EP300: variants seen among roughly 807,000 people sequenced by gnomAD.
The protein encoded by EP300 is histone acetyltransferase p300.
Under a neutral mutation model 264.0 loss-of-function variants are expected in EP300, and 31 were observed. The observed-to-expected ratio is 0.12, with a 90% CI of 0.09 to 0.16. EP300 has a LOEUF of 0.16. Ranked by LOEUF, EP300 falls within the 10% of genes least tolerant of loss-of-function variation. The probability of loss-of-function intolerance (pLI) is 1.00; values close to 1 mark genes in which losing one functional copy is unlikely to be tolerated. For synonymous variants in EP300, 1,340 were observed against 1,045.4 expected (o/e 1.28, Z -5.44); for missense variants, 2,766 against 3,052.9 (o/e 0.91, Z 2.21).
intron 16 of EP300, among the ~76,000 whole-genome samples, chr22:41,154,376 C>CTT (rs869304891): frequency 0.013 from 818 of 61,706 alleles, 56 homozygotes; most frequent in African/African-American, 0.026. Flanking sequence ...CTTGTGCACT[C>CTT]TTTTTTTTTT....
intron 26 of EP300, 25 bp from the exon 27 acceptor site, chr22:41,170,381 A>G (rs2059162615): frequency 1.9e-6 from 3 of 1,606,840 alleles, no homozygotes; most frequent in Admixed American, 1.7e-5. Context: ...CTTTTCCTTA[A>G]TGTTCTTTCT....
In EP300 at chr22:41,177,092, A is replaced by G. The variant is rs2059204888; in HGVS notation, c.5381A>G (p.Lys1794Arg). 6.2e-7 allele frequency: 1 copy of G among 1,614,158 alleles called. No homozygotes were observed. The highest frequency in any genetic ancestry group is 8.5e-7 in the Non-Finnish European group (1 of 1,180,022). ...ATTGCCCTCTGCTGCTACCATGCCA[A>G]GCACTGCCAGGAGAACAAATGCCCG... ...QLIALCCYHA[K>R]HCQENKCPVP... The change falls in exon 31 of 31, where the codon AAG (lysine) becomes AGG (arginine). Residue 1794 changes from lysine (K) to arginine (R), a missense_variant. Coordinates refer to ENST00000263253, the MANE Select transcript of EP300 (RefSeq NM_001429.4).
At chr22:41,138,615 T>C (rs777281288) in intron 8 of EP300, among the ~76,000 whole-genome samples, 2 of 152,172 alleles carry the variant, frequency 1.3e-5, no homozygotes, top group Non-Finnish European at 2.9e-5. Context: ...AGAGTTTTTG[T>C]CAGATGAAGG....
chr22:41,171,867 C>A (rs2059172832), intron 27 of EP300, among the ~76,000 whole-genome samples: 1 of 152,092 alleles, frequency 6.6e-6, no homozygotes, highest in Admixed American at 6.6e-5. Flanking sequence ...CCTGCCTCGG[C>A]CTCCCAAAGT....
At chr22:41,174,735 T>C (rs571929318) in intron 29 of EP300, 1 of 152,264 alleles carries the variant, frequency 6.6e-6, no homozygotes. Flanking sequence ...TATAATCAAG[T>C]TCTTATAGGA....
intron 19 of EP300, 191 bp downstream of exon 19, chr22:41,158,691 C>CG: frequency 1.7e-6 from 1 of 579,398 alleles, no homozygotes; most frequent in Non-Finnish European, 3.1e-6. Flanking sequence ...AGTAGCCTTG[C>CG]ATCAGTTACC....
intron 6 of EP300, 77 bp downstream of exon 6, chr22:41,131,710 C>T (rs2058920863): frequency 6.3e-7 from 1 of 1,597,390 alleles, no homozygotes; most frequent in Non-Finnish European, 8.6e-7. Context: ...GTTGTTAGCT[C>T]CTTTTTATTT....
chr22:41,112,013 G>A (rs868302895), intron 1 of EP300, among the ~76,000 whole-genome samples: 6 of 146,914 alleles, frequency 4.1e-5, no homozygotes, highest in Non-Finnish European at 4.5e-5. Context: ...TCAGCCTCCC[G>A]AGTAGCTGGG....
rs1442254575 is a variant in EP300, at chr22:41,169,461, C to T, written c.4173-42C>T. On this transcript the variant is annotated intron_variant, in intron 25 of 30. Transcript: ENST00000263253. ...TGGAGTAAAGAACTCATTATGTGAC[C>T]TGACTTTTTTTTTCCTCTTCATTTC... 6 of 1,313,732 alleles carry T rather than the reference C, an allele frequency of 4.6e-6. No homozygotes were observed. The African/African-American group carries it at 7.2e-5, about 16-fold the overall frequency. The allele number at this position is 1,313,732 out of a possible 1,614,324, so 81.4% of individuals were successfully genotyped here. A position where few individuals can be genotyped will look rare whatever the true frequency, so the allele number is the denominator to read the frequency against.
In EP300 at chr22:41,169,572, T is replaced by C. The variant is rs2059158543; in HGVS notation, c.4242T>C (p.Tyr1414=). 3.7e-6 allele frequency: 6 copies of C among 1,610,172 alleles called. No homozygotes were observed. In the Admixed American group the frequency reaches 8.3e-5, roughly 22 times the overall value. The change falls in exon 26 of 31, where the codon TAT becomes TAC. Residue 1414 remains tyrosine, a synonymous_variant. Transcript: ENST00000263253. ...CTAAATGCTTGAGGACTGCAGTCTA[T>C]CATGAAATCCTAATTGGATATTTAG... The part of the protein sequence containing the change: ...FRPKCLRTAV[Y]HEILIGYLEY...
intron 4 of EP300, among the ~76,000 whole-genome samples, chr22:41,129,338 G>A (rs1018155291): frequency 3.3e-5 from 5 of 152,172 alleles, no homozygotes; most frequent in African/African-American, 1.2e-4. Context: ...TTGTGAGCAA[G>A]TATCTAAGGA....
At chr22:41,126,341 T>TA (rs1234560353) in intron 3 of EP300, 1 of 317,860 alleles carries the variant, frequency 3.1e-6, no homozygotes, top group Non-Finnish European at 5.9e-6. Flanking sequence ...TTCCATACGA[T>TA]ACGAAAGCGG....
chr22:41,160,431 C>CAAAAAAAAAAAAAAAAAAAAAA, intron 19 of EP300: 1 of 362,744 alleles, frequency 2.8e-6, no homozygotes, highest in Non-Finnish European at 5.0e-6. Flanking sequence ...AAAAAAAAAA[C>CAAAAAAAAAAAAAAAAAAAAAA]AAAAAAAAAC....
intron 6 of EP300, among the ~76,000 whole-genome samples, chr22:41,131,885 A>G (rs1408815387): frequency 6.6e-6 from 1 of 152,090 alleles, no homozygotes; most frequent in African/African-American, 2.4e-5. Flanking sequence ...ATGTTATTCC[A>G]CAACAAACTT....
intron 14 of EP300, among the ~76,000 whole-genome samples, chr22:41,151,160 C>T (rs938233030): frequency 6.6e-6 from 1 of 151,974 alleles, no homozygotes; most frequent in African/African-American, 2.4e-5. Context: ...CTGAGAAGTT[C>T]CATGAGTCAC....
chr22:41,151,072 T>A (rs986707060), intron 14 of EP300, among the ~76,000 whole-genome samples: 1 of 152,094 alleles, frequency 6.6e-6, no homozygotes, highest in Non-Finnish European at 1.5e-5. Flanking sequence ...GAACTTTTTT[T>A]AAGGGTTTAG....
In EP300 at chr22:41,127,549, G is replaced by T. The variant is rs1255718743; in HGVS notation, c.969G>T (p.Met323Ile). The T allele has an allele frequency of 6.2e-7, 1 of 1,614,084 alleles. No individual in the cohort carries two copies. Among genetic ancestry groups the T allele is most frequent in the East Asian group, 2.2e-5 (1 of 44,892 alleles). The change falls in exon 4 of 31, where the codon ATG becomes ATT. Residue 323 changes from methionine to isoleucine, a missense_variant. By Grantham distance (10) the Met-to-Ile change is conservative. Coordinates refer to ENST00000263253, the MANE Select transcript of EP300 (RefSeq NM_001429.4). ...TGGTGACTCCAGTTGCCCAAGGGAT[G>T]GGTTCTGGAGCACATACAGCTGATC... ...PGLVTPVAQG[M>I]GSGAHTADPE...
intron 1 of EP300, among the ~76,000 whole-genome samples, chr22:41,104,887 G>A (rs1429532795): frequency 2.0e-5 from 3 of 151,856 alleles, no homozygotes; most frequent in Non-Finnish European, 4.4e-5. Context: ...GGGCATGGCC[G>A]GGCACGGTGG....
intron 6 of EP300, among the ~76,000 whole-genome samples, chr22:41,131,897 G>A (rs1601607435): frequency 6.6e-6 from 1 of 152,150 alleles, no homozygotes; most frequent in East Asian, 1.9e-4. Context: ...AACAAACTTT[G>A]ATTAATACTG....
Sources: gnomAD v4.1 joint callset for allele counts (sites outside exome capture counted in the v4.1 genomes callset) on GRCh38, gnomAD v4.1.1 for gene constraint, MANE v1.5 for transcripts, NCBI Gene and HGNC (gene_info 2026-07-23, HGNC 2026-07-21) for gene names.